RYR3: variants seen among roughly 807,000 people sequenced by gnomAD.
RYR3 encodes the protein ryanodine receptor 3.
RYR3 carries 207 observed loss-of-function variants against 584.3 expected under a neutral mutation model. The ratio of observed to expected loss-of-function variants is 0.35; its 90% CI spans 0.32 to 0.40. The LOEUF (loss-of-function observed/expected upper bound fraction) is 0.40, where lower values mean the gene tolerates loss of function less well. Ranked by LOEUF, RYR3 falls within the 10% of genes least tolerant of loss-of-function variation. The pLI is 1.00. For missense variants in RYR3, 5,616 were observed against 6,089.2 expected (o/e 0.92, Z 2.59); for synonymous variants, 2,416 against 2,248.5 (o/e 1.07, Z -2.11).
At chr15:33,669,247 A>G in intron 36 of RYR3, 107 bp from the exon 37 acceptor site, 1 of 726,250 alleles carries the variant, frequency 1.4e-6, no homozygotes, top group Non-Finnish European at 2.1e-6. Context: ...AAAAATCACT[A>G]AGTAAAATAA....
chr15:33,692,994 A>G (rs2065550432), intron 38 of RYR3, among the ~76,000 whole-genome samples: 1 of 152,160 alleles, frequency 6.6e-6, no homozygotes, highest in African/African-American at 2.4e-5. Context: ...ATTCCACCAG[A>G]TCTGATTATT....
At chr15:33,748,679 CAG>C in intron 55 of RYR3, 149 bp downstream of exon 55, 1 of 718,606 alleles carries the variant, frequency 1.4e-6, no homozygotes, top group East Asian at 2.7e-5. Context: ...GCAGAGGCCA[CAG>C]GGAAAGTCTC....
chr15:33,674,980 A>C (rs896567461), intron 38 of RYR3, among the ~76,000 whole-genome samples: 16 of 151,768 alleles, frequency 1.1e-4, no homozygotes, highest in African/African-American at 3.9e-4. Flanking sequence ...CTATAGTCCC[A>C]GTTACTGGGG....
chr15:33,781,773 G>T (rs527984930), intron 65 of RYR3, among the ~76,000 whole-genome samples: 1 of 144,156 alleles, frequency 6.9e-6, no homozygotes, highest in Non-Finnish European at 1.5e-5. Context: ...CCAAAGTCCC[G>T]TATGAAATCT....
intron 18 of RYR3, among the ~76,000 whole-genome samples, chr15:33,610,720 TGG>T (rs2060139114): frequency 6.6e-6 from 1 of 152,236 alleles, no homozygotes. Context: ...TTTTTGGGTT[TGG>T]GAATATTTGC....
chr15:33,794,102 A>G (rs1196566326), intron 67 of RYR3, among the ~76,000 whole-genome samples: 1 of 133,300 alleles, frequency 7.5e-6, no homozygotes, highest in Non-Finnish European at 1.5e-5. Context: ...TATATATTAT[A>G]TAAATATAAT....
At chr15:33,319,955 G>A (rs1968727482) in intron 1 of RYR3, among the ~76,000 whole-genome samples, 1 of 152,120 alleles carries the variant, frequency 6.6e-6, no homozygotes, top group African/African-American at 2.4e-5. Context: ...ACACTTTGGG[G>A]TCAAGCAGGT....
At chr15:33,858,419 C>A (rs563011864) in intron 99 of RYR3, among the ~76,000 whole-genome samples, 1 of 151,972 alleles carries the variant, frequency 6.6e-6, no homozygotes, top group African/African-American at 2.4e-5. Flanking sequence ...GTTGGTCAGG[C>A]TGGTCTCAAA....
chr15:33,511,202 G>T (rs1377239900), intron 3 of RYR3, among the ~76,000 whole-genome samples: 3 of 151,716 alleles, frequency 2.0e-5, no homozygotes, highest in African/African-American at 7.3e-5. Flanking sequence ...CTTATAGTTT[G>T]TTGATGACAT....
chr15:33,491,418 G>C (rs1399083707), intron 2 of RYR3, among the ~76,000 whole-genome samples: 1 of 152,196 alleles, frequency 6.6e-6, no homozygotes, highest in Non-Finnish European at 1.5e-5. Context: ...GAAAGCAAGT[G>C]GCTAATCTGA....
intron 62 of RYR3, among the ~76,000 whole-genome samples, chr15:33,769,997 A>T (rs1174391272): frequency 6.6e-6 from 1 of 151,944 alleles, no homozygotes; most frequent in African/African-American, 2.4e-5. Context: ...ACTGACAGGG[A>T]CCTTTCTTTA....
intron 12 of RYR3, among the ~76,000 whole-genome samples, chr15:33,579,065 G>A (rs937187952): frequency 2.0e-5 from 3 of 152,144 alleles, no homozygotes; most frequent in African/African-American, 7.2e-5. Context: ...TGCGGAATAG[G>A]AGGAACACAA....
intron 2 of RYR3, among the ~76,000 whole-genome samples, chr15:33,494,808 T>C (rs1027990682): frequency 1.3e-5 from 2 of 152,232 alleles, no homozygotes; most frequent in African/African-American, 4.8e-5. Context: ...ACTTTCCATC[T>C]TTTACCATAG....
At chr15:33,746,980 T>A in intron 53 of RYR3, among the ~76,000 whole-genome samples, 1 of 149,682 alleles carries the variant, frequency 6.7e-6, no homozygotes, top group African/African-American at 2.5e-5. Flanking sequence ...AGCTAATGTT[T>A]GTAATTTTTT....
intron 2 of RYR3, among the ~76,000 whole-genome samples, chr15:33,481,882 C>G (rs1030291500): frequency 6.7e-6 from 1 of 148,442 alleles, no homozygotes; most frequent in African/African-American, 2.5e-5. Context: ...TCCCTTATAT[C>G]TTTTGTGCTA....
At chr15:33,583,712 A>G (rs1273989174) in intron 14 of RYR3, among the ~76,000 whole-genome samples, 1 of 152,048 alleles carries the variant, frequency 6.6e-6, no homozygotes, top group African/African-American at 2.4e-5. Context: ...ATTGACGCCA[A>G]GAGTTCAAGA....
intron 10 of RYR3, 46 bp from the exon 11 acceptor site, chr15:33,562,791 T>G: frequency 6.9e-7 from 1 of 1,440,194 alleles, no homozygotes; most frequent in South Asian, 1.2e-5. Context: ...GAGCTTCTAA[T>G]TTAATCAGCT....
In RYR3 at chr15:33,848,507, G is replaced by C. The variant is rs191868366; in HGVS notation, c.13628+86G>C. On this transcript the variant is annotated intron_variant, in intron 94 of 103. Transcript: ENST00000634891. ...CTCTTTCCTCCTGGCCTTAAAACTG[G>C]TTAATATAAACTGTCTTTTGATTTC... 1.6e-3 allele frequency: 2,261 copies of C among 1,452,874 alleles called. 4 individuals are homozygous for C. Among genetic ancestry groups the C allele is most frequent in the Non-Finnish European group, 1.9e-3 (2,033 of 1,082,238 alleles). The allele number at this position is 1,452,874 out of a possible 1,614,324, so 90.0% of individuals were successfully genotyped here. A position where few individuals can be genotyped will look rare whatever the true frequency, so the allele number is the denominator to read the frequency against.
chr15:33,848,990 C>G (rs2078912575), intron 94 of RYR3: 1 of 152,524 alleles, frequency 6.6e-6, no homozygotes, highest in African/African-American at 2.4e-5. Flanking sequence ...CGCCTGCCAC[C>G]ACGCCTGGAT....
Sources: allele counts gnomAD v4.1 joint callset (sites outside exome capture counted in the v4.1 genomes callset), GRCh38; gene constraint gnomAD v4.1.1; transcripts MANE v1.5; gene names NCBI Gene and HGNC (gene_info 2026-07-23, HGNC 2026-07-21).